Variants in KTN1 observed in about 807,000 individuals in gnomAD.
KTN1 encodes the protein kinectin.
KTN1 carries 130 observed loss-of-function variants against 222.5 expected under a neutral mutation model. That is an observed-to-expected ratio of 0.58 (90% CI 0.51 to 0.68). KTN1 has a LOEUF of 0.68. Among genes scored for constraint, KTN1 ranks in the 30% least tolerant of loss-of-function variants. KTN1 has a pLI of 0.00. For missense variants in KTN1, 1,508 were observed against 1,500.4 expected (o/e 1.01, Z -0.08); for synonymous variants, 512 against 496.3 (o/e 1.03, Z -0.42).
intron 11 of KTN1, 139 bp downstream of exon 11, chr14:55,637,503 A>T (rs767398416): frequency 1.5e-5 from 11 of 713,958 alleles, no homozygotes; most frequent in Non-Finnish European, 2.0e-5. Context: ...TCTTTTGAGC[A>T]CTTGTCACAA....
intron 29 of KTN1, among the ~76,000 whole-genome samples, chr14:55,657,331 T>A (rs1445518159): frequency 6.6e-6 from 1 of 152,078 alleles, no homozygotes; most frequent in Non-Finnish European, 1.5e-5. Context: ...GCATTTTTCG[T>A]ATGTTCAAGC....
chr14:55,677,324 A>G (rs1316701185), intron 41 of KTN1, among the ~76,000 whole-genome samples: 1 of 152,042 alleles, frequency 6.6e-6, no homozygotes, highest in African/African-American at 2.4e-5. Context: ...TAAAAATACA[A>G]AAATTAGCCG....
Position 55,612,012 on chromosome 14 carries a change from T to A in KTN1, c.-30-7T>A. 1 of 1,182,172 alleles carries A rather than the reference T, an allele frequency of 8.5e-7. No individual in the cohort carries two copies. The highest frequency in any genetic ancestry group is 1.1e-6 in the Non-Finnish European group (1 of 890,610). 73.2% of individuals were successfully genotyped at this position (1,182,172 alleles called of 1,614,324 possible). ...TTTTTTTTGTCCCCACCTTCTTCCC[T>A]ATTTAGGTTTTATAGGATCACATTG... On this transcript the variant is annotated splice_polypyrimidine_tract_variant and splice_region_variant and intron_variant, in intron 1 of 43. Coordinates refer to ENST00000395314, the MANE Select transcript of KTN1 (RefSeq NM_001079521.2).
intron 32 of KTN1, 42 bp downstream of exon 32, chr14:55,661,654 C>A: frequency 9.9e-7 from 1 of 1,006,400 alleles, no homozygotes; most frequent in Non-Finnish European, 1.5e-6. Flanking sequence ...CTTTTTATTA[C>A]TTTAACACTG....
chr14:55,626,509 CT>C (rs1566741228), intron 5 of KTN1, among the ~76,000 whole-genome samples: 1 of 152,064 alleles, frequency 6.6e-6, no homozygotes, highest in Non-Finnish European at 1.5e-5. Context: ...TAACCTTTTT[CT>C]GGTGATTTTT....
chr14:55,642,811 T>A (rs1308252442), intron 18 of KTN1, among the ~76,000 whole-genome samples: 1 of 152,216 alleles, frequency 6.6e-6, no homozygotes, highest in East Asian at 1.9e-4. Flanking sequence ...GTCTTACTAC[T>A]TACTTTGTAT....
At chr14:55,618,227 T>G (rs2038662811) in intron 4 of KTN1, 93 bp downstream of exon 4, 2 of 931,734 alleles carry the variant, frequency 2.1e-6, no homozygotes, top group African/African-American at 1.7e-5. Context: ...ATAGAAACAA[T>G]GCATTTCAAA....
rs73287794 is a variant in KTN1 at position 55,592,072 on chromosome 14, C to T, written c.-31+11718C>T. On this transcript the variant is annotated intron_variant, in intron 1 of 43. Coordinates refer to ENST00000395314, the MANE Select transcript of KTN1 (RefSeq NM_001079521.2). The stretch of plus-strand genomic sequence containing the variant: ...TCCTACTTTGTGGCTTGTCTTCTGA[C>T]TTTCTTATGGTGTCTCTATTAAAAG... Among the ~76,000 whole-genome samples, 541 of 152,152 alleles carry T rather than the reference C, an allele frequency of 3.6e-3. 4 individuals are homozygous for T. The highest frequency in any genetic ancestry group is 0.012 in the African/African-American group (514 of 41,516).
rs764363498 is a variant in KTN1, at chr14:55,617,968, C to T, written c.666C>T (p.Phe222=). The T allele has an allele frequency of 1.5e-5, 23 of 1,572,432 alleles. No homozygotes were observed. Among genetic ancestry groups the T allele is most frequent in the Middle Eastern group, 1.7e-4 (1 of 5,936 alleles). Residue 222 remains phenylalanine (F), a synonymous_variant, in exon 4 of 44, where the codon TTC becomes TTT. Coordinates refer to ENST00000395314, the MANE Select transcript of KTN1 (RefSeq NM_001079521.2). ...TTTGTTGAACTTAAATTGCAGTCTTCGTAGATGAACCCCTTATTCATGCAA... is the reference window on the plus strand; with the variant it reads ...TTTGTTGAACTTAAATTGCAGTCTTTGTAGATGAACCCCTTATTCATGCAA... The part of the protein sequence containing the change: ...SSKKQKTENV[F]VDEPLIHATT...
At chr14:55,646,459 C>CT (rs61187572) in intron 18 of KTN1, among the ~76,000 whole-genome samples, 1 of 51,678 alleles carries the variant, frequency 1.9e-5, no homozygotes, top group Non-Finnish European at 3.9e-5. Context: ...TTTCCTTTTC[C>CT]TTTTCCTTTC....
rs890125585 is a variant in KTN1, at chr14:55,677,213, C to T, written c.3856-1139C>T. 2.4e-4 allele frequency among the ~76,000 whole-genome samples: 37 copies of T among 152,066 alleles called. 1 individual carries two copies. The highest frequency in any genetic ancestry group is 1.4e-3 in the Admixed American group (21 of 15,274). On this transcript the variant is annotated intron_variant, in intron 41 of 43. Coordinates refer to ENST00000395314, the MANE Select transcript of KTN1 (RefSeq NM_001079521.2). ...TATAACGGCTGGGCATGGTGGCTCA[C>T]GCCTGTAATCCCAGTACTTTGGGAG... is the stretch of plus-strand genomic sequence containing the variant.
rs2040146074 is a variant in KTN1, at chr14:55,628,722, A to G, written c.1080+694A>G. 2.6e-5 allele frequency among the ~76,000 whole-genome samples: 4 copies of G among 152,190 alleles called. No individual in the cohort carries two copies. The South Asian group carries it at 8.3e-4, about 32-fold the overall frequency. On this transcript the variant is annotated intron_variant, in intron 6 of 43. Coordinates refer to ENST00000395314, the MANE Select transcript of KTN1 (RefSeq NM_001079521.2). The stretch of plus-strand genomic sequence containing the variant: ...TCCTTTATGTGAATTTGAAGTAAAT[A>G]AAAAAAGTCAATGGAAAAAGTTGGC...
At chr14:55,641,578 C>T (rs886680134) in intron 17 of KTN1, 114 bp from the exon 18 acceptor site, 2 of 753,946 alleles carry the variant, frequency 2.7e-6, no homozygotes, top group Admixed American at 2.1e-5. Context: ...ATTCACCTGT[C>T]ACTTTGAGGA....
At chr14:55,588,321 C>T (rs2033445044) in intron 1 of KTN1, among the ~76,000 whole-genome samples, 1 of 152,118 alleles carries the variant, frequency 6.6e-6, no homozygotes. Context: ...CTGTCTGAAA[C>T]AGTGAGCAAC....
In KTN1 at chr14:55,671,838, G is replaced by C; in HGVS notation, c.3492G>C (p.Trp1164Cys). 2 of 1,609,316 alleles carry C rather than the reference G, an allele frequency of 1.2e-6. No individual in the cohort carries two copies. The highest frequency in any genetic ancestry group is 1.7e-6 in the Non-Finnish European group (2 of 1,175,834). Residue 1164 changes from tryptophan (W) to cysteine (C), a missense_variant, in exon 37 of 44, where the codon TGG (tryptophan) becomes TGC (cysteine). Coordinates refer to ENST00000395314, the MANE Select transcript of KTN1 (RefSeq NM_001079521.2). ...GTGTTGAGCAAGAAGAAAATAAATG[G>C]AAAGTTAAGGTCGATGAATCACACA... ...QRSVEQEENK[W>C]KVKVDESHKT... is the part of the protein sequence containing the mutation.
chr14:55,584,380 G>A (rs570617557), intron 1 of KTN1, among the ~76,000 whole-genome samples: 2 of 152,328 alleles, frequency 1.3e-5, no homozygotes, highest in South Asian at 4.1e-4. Context: ...AATAGTGTAT[G>A]TTTGAGGGCA....
chr14:55,670,307 A>G (rs1460926238), intron 34 of KTN1, among the ~76,000 whole-genome samples: 1 of 152,046 alleles, frequency 6.6e-6, no homozygotes, highest in Non-Finnish European at 1.5e-5. Flanking sequence ...CACTTTATGA[A>G]CTCAAAATAC....
chr14:55,646,428 TTCCTTTCC>T (rs1229247821), intron 18 of KTN1, among the ~76,000 whole-genome samples: 10 of 119,050 alleles, frequency 8.4e-5, no homozygotes, highest in African/African-American at 3.3e-4. Flanking sequence ...CTTTCTTTCC[TTCCTTTCC>T]TTTCCTTTTC....
intron 34 of KTN1, chr14:55,667,540 A>G: frequency 3.1e-6 from 1 of 321,674 alleles, no homozygotes. Flanking sequence ...AAAATTTTAT[A>G]TATGAGACAT....
Sources: gnomAD v4.1 joint callset for allele counts (sites outside exome capture counted in the v4.1 genomes callset) on GRCh38, gnomAD v4.1.1 for gene constraint, MANE v1.5 for transcripts, NCBI Gene and HGNC (gene_info 2026-07-23, HGNC 2026-07-21) for gene names.